The following NDUFAF2 variants were observed in gnomAD, a reference collection of about 807,000 sequenced individuals.
NDUFAF2 encodes the protein NADH dehydrogenase [ubiquinone] 1 alpha subcomplex assembly factor 2.
A neutral mutation model predicts 22.8 loss-of-function variants in NDUFAF2; 13 were observed. The observed-to-expected ratio is 0.57, with a 90% CI of 0.37 to 0.91. The LOEUF is 0.91. Among genes scored for constraint, NDUFAF2 ranks in the 40% least tolerant of loss-of-function variants. The pLI, the probability that NDUFAF2 is intolerant of heterozygous loss-of-function variation, is 0.01. For missense variants in NDUFAF2, 162 were observed against 195.2 expected (o/e 0.83, Z 1.01); for synonymous variants, 53 against 64.2 (o/e 0.83, Z 0.84).
At chr5:61,015,482 A>G (rs945416564) in intron 1 of NDUFAF2, among the ~76,000 whole-genome samples, 4 of 152,146 alleles carry the variant, frequency 2.6e-5, no homozygotes, top group South Asian at 2.1e-4. Flanking sequence ...GAGTTTCACT[A>G]TGTTGGCCAG....
intron 1 of NDUFAF2, among the ~76,000 whole-genome samples, chr5:61,024,167 T>A (rs913645308): frequency 1.3e-5 from 2 of 152,184 alleles, no homozygotes; most frequent in African/African-American, 4.8e-5. Flanking sequence ...TTTTTAACAT[T>A]GATGTAATTT....
intron 1 of NDUFAF2, among the ~76,000 whole-genome samples, chr5:60,989,656 A>C (rs1204574157): frequency 6.6e-6 from 1 of 152,194 alleles, no homozygotes. Flanking sequence ...CAGAAAACCA[A>C]ATACTGCATG....
chr5:60,972,655 T>C (rs1750849895), intron 1 of NDUFAF2, among the ~76,000 whole-genome samples: 1 of 152,176 alleles, frequency 6.6e-6, no homozygotes, highest in African/African-American at 2.4e-5. Context: ...TCACTTGTTT[T>C]AGGTGTGTTT....
At chr5:60,982,749 A>G (rs1207744920) in intron 1 of NDUFAF2, among the ~76,000 whole-genome samples, 7 of 151,932 alleles carry the variant, frequency 4.6e-5, no homozygotes, top group Non-Finnish European at 1.0e-4. Context: ...TTATGGCTGC[A>G]TAGTATTCCA....
At chr5:61,076,247 T>C (rs1408253899) in intron 2 of NDUFAF2, among the ~76,000 whole-genome samples, 1 of 152,164 alleles carries the variant, frequency 6.6e-6, no homozygotes, top group East Asian at 1.9e-4. Flanking sequence ...ATTTTGTTTT[T>C]GTATTTTTAG....
At chr5:61,044,163 T>G (rs1413959920) in intron 1 of NDUFAF2, among the ~76,000 whole-genome samples, 1 of 152,194 alleles carries the variant, frequency 6.6e-6, no homozygotes, top group Non-Finnish European at 1.5e-5. Flanking sequence ...TTTTAACAAA[T>G]GACTATTTAG....
chr5:61,122,856 A>T (rs1324372103), intron 3 of NDUFAF2, among the ~76,000 whole-genome samples: 1 of 152,144 alleles, frequency 6.6e-6, no homozygotes, highest in African/African-American at 2.4e-5. Flanking sequence ...GTGTAACCTC[A>T]TTACAGCTCT....
At chr5:60,977,040 C>A (rs1750911135) in intron 1 of NDUFAF2, among the ~76,000 whole-genome samples, 1 of 152,044 alleles carries the variant, frequency 6.6e-6, no homozygotes, top group Non-Finnish European at 1.5e-5. Flanking sequence ...ATTACTTTCT[C>A]TTAGATACTA....
chr5:61,135,322 A>C (rs886145018), intron 3 of NDUFAF2, among the ~76,000 whole-genome samples: 1 of 152,074 alleles, frequency 6.6e-6, no homozygotes, highest in Non-Finnish European at 1.5e-5. Flanking sequence ...GTACAAGGAG[A>C]GTCTAGGACA....
intron 3 of NDUFAF2, among the ~76,000 whole-genome samples, chr5:61,148,193 TC>T (rs1484670002): frequency 6.6e-6 from 1 of 152,150 alleles, no homozygotes; most frequent in Non-Finnish European, 1.5e-5. Flanking sequence ...CTGGTTGGGT[TC>T]CCCCACCCTG....
chr5:60,953,412 A>C, intron 1 of NDUFAF2, among the ~76,000 whole-genome samples: 1 of 152,154 alleles, frequency 6.6e-6, no homozygotes, highest in Admixed American at 6.5e-5. Context: ...AGGTTTTTTC[A>C]GACATACTGT....
intron 1 of NDUFAF2, among the ~76,000 whole-genome samples, chr5:60,950,290 G>A (rs191700863): frequency 8.7e-4 from 133 of 152,148 alleles, no homozygotes; most frequent in South Asian, 3.3e-3. Flanking sequence ...GGTTTCAAGC[G>A]ATTTTTCTGC....
chr5:61,123,144 C>T (rs1486662787), intron 3 of NDUFAF2, among the ~76,000 whole-genome samples: 1 of 152,148 alleles, frequency 6.6e-6, no homozygotes, highest in Non-Finnish European at 1.5e-5. Flanking sequence ...TTCCCTCCTT[C>T]CCTGTTTCAT....
chr5:61,000,395 A>G (rs1751281122), intron 1 of NDUFAF2, among the ~76,000 whole-genome samples: 1 of 152,122 alleles, frequency 6.6e-6, no homozygotes, highest in Non-Finnish European at 1.5e-5. Context: ...GTTTGTTCAG[A>G]GGTTACCTTT....
chr5:60,969,411 A>C (rs993995495), intron 1 of NDUFAF2, among the ~76,000 whole-genome samples: 1 of 152,108 alleles, frequency 6.6e-6, no homozygotes. Flanking sequence ...CATTTTAACC[A>C]GAGTGAGATG....
intron 3 of NDUFAF2, among the ~76,000 whole-genome samples, chr5:61,144,258 G>A (rs1479968505): frequency 6.6e-6 from 1 of 152,000 alleles, no homozygotes; most frequent in African/African-American, 2.4e-5. Context: ...CAGTTGACTA[G>A]GTTTGAGCCT....
intron 1 of NDUFAF2, among the ~76,000 whole-genome samples, chr5:60,962,068 T>C (rs934375305): frequency 1.4e-4 from 21 of 152,116 alleles, no homozygotes; most frequent in African/African-American, 4.8e-4. Context: ...TATTGTTGAG[T>C]ATGCTTGAAC....
chr5:60,978,126 G>C (rs936759731), intron 1 of NDUFAF2, among the ~76,000 whole-genome samples: 6 of 152,154 alleles, frequency 3.9e-5, no homozygotes, highest in African/African-American at 1.4e-4. Flanking sequence ...TTAGAACTCA[G>C]TGCCCTGTCA....
rs554371978 is a variant in NDUFAF2 at position 61,030,108 on chromosome 5, A to G, written c.128-43017A>G. Reference sequence around the variant, plus strand: ...TCAGTCTCAAAGACATTCAGTTGTCACAAGTGCAGATTTACCAGTTGGCAG... The same window carrying G: ...TCAGTCTCAAAGACATTCAGTTGTCGCAAGTGCAGATTTACCAGTTGGCAG... On this transcript the variant is annotated intron_variant, in intron 1 of 3. Coordinates refer to ENST00000296597, the MANE Select transcript of NDUFAF2 (RefSeq NM_174889.5). Among the ~76,000 whole-genome samples the G allele has an allele frequency of 4.6e-5, 7 of 152,284 alleles. No homozygotes were observed. In the East Asian group the frequency reaches 1.3e-3, roughly 29 times the overall value.
Sources: gnomAD v4.1 joint callset for allele counts (sites outside exome capture counted in the v4.1 genomes callset) on GRCh38, gnomAD v4.1.1 for gene constraint, MANE v1.5 for transcripts, NCBI Gene and HGNC (gene_info 2026-07-23, HGNC 2026-07-21) for gene names.